Variants in HPSE2 observed in about 807,000 individuals in gnomAD.
HPSE2 encodes the protein heparanase 2 (inactive).
A neutral mutation model predicts 60.5 loss-of-function variants in HPSE2; 38 were observed. The ratio of observed to expected loss-of-function variants is 0.63; its 90% CI spans 0.48 to 0.82. HPSE2 has a LOEUF of 0.82. Ranked by LOEUF, HPSE2 falls within the 40% of genes least tolerant of loss-of-function variation. The pLI is 0.00. For synonymous variants in HPSE2, 295 were observed against 293.2 expected, an observed-to-expected ratio of 1.01 and a Z score of -0.06; for missense variants, 713 against 740.4, an observed-to-expected ratio of 0.96 and a Z score of 0.43.
chr10:98,880,829 C>A (rs1052202871), intron 3 of HPSE2, among the ~76,000 whole-genome samples: 1 of 151,920 alleles, frequency 6.6e-6, no homozygotes, highest in Non-Finnish European at 1.5e-5. Context: ...AACAAAGAAG[C>A]AAAATCAATA....
chr10:98,505,927 G>A (rs1473599320), intron 9 of HPSE2, among the ~76,000 whole-genome samples: 2 of 151,832 alleles, frequency 1.3e-5, no homozygotes, highest in Non-Finnish European at 1.5e-5. Context: ...GTTTTATATT[G>A]TGTTGAAATC....
At chr10:98,599,418 G>A (rs1471805276) in intron 9 of HPSE2, among the ~76,000 whole-genome samples, 2 of 152,142 alleles carry the variant, frequency 1.3e-5, no homozygotes, top group Admixed American at 1.3e-4. Flanking sequence ...GGGTGGGCCT[G>A]AAGCCCAGGA....
intron 9 of HPSE2, among the ~76,000 whole-genome samples, chr10:98,588,160 A>C (rs1014381831): frequency 6.6e-6 from 1 of 152,188 alleles, no homozygotes; most frequent in Non-Finnish European, 1.5e-5. Flanking sequence ...TTTTCTCTCT[A>C]AATTGTCAAA....
At chr10:98,850,580 CA>C (rs1377728257) in intron 3 of HPSE2, among the ~76,000 whole-genome samples, 1 of 151,570 alleles carries the variant, frequency 6.6e-6, no homozygotes, top group Non-Finnish European at 1.5e-5. Flanking sequence ...ACTAAAAATA[CA>C]AAAAAATTAG....
At chr10:98,544,930 G>A (rs574428224) in intron 9 of HPSE2, among the ~76,000 whole-genome samples, 1 of 151,930 alleles carries the variant, frequency 6.6e-6, no homozygotes, top group Non-Finnish European at 1.5e-5. Flanking sequence ...GAAGAAAAGG[G>A]AGAAGAATCA....
intron 3 of HPSE2, among the ~76,000 whole-genome samples, chr10:99,085,740 T>G (rs963277690): frequency 3.9e-5 from 6 of 152,292 alleles, no homozygotes; most frequent in African/African-American, 1.4e-4. Flanking sequence ...ACAAAAACAG[T>G]AAGAAATGTG....
At chr10:98,463,841 GA>G (rs1940412919) in intron 11 of HPSE2, among the ~76,000 whole-genome samples, 1 of 152,052 alleles carries the variant, frequency 6.6e-6, no homozygotes, top group Admixed American at 6.6e-5. Context: ...TTTTCAGGCC[GA>G]GTGCGGTGGT....
chr10:98,972,934 CA>C (rs1398111354), intron 3 of HPSE2, among the ~76,000 whole-genome samples: 1 of 151,914 alleles, frequency 6.6e-6, no homozygotes, highest in African/African-American at 2.4e-5. Context: ...GTTTAGAAGC[CA>C]AAAACACTTT....
At chr10:98,765,499 G>C (rs746178203) in intron 3 of HPSE2, among the ~76,000 whole-genome samples, 31 of 152,218 alleles carry the variant, frequency 2.0e-4, no homozygotes, top group Middle Eastern at 3.4e-3. Flanking sequence ...GTGTGATGTA[G>C]CCAAAGCAGT....
chr10:98,968,709 G>C (rs547620119), intron 3 of HPSE2, among the ~76,000 whole-genome samples: 1 of 152,130 alleles, frequency 6.6e-6, no homozygotes. Flanking sequence ...CTTAGATGGA[G>C]CTGGAGGTTG....
intron 9 of HPSE2, among the ~76,000 whole-genome samples, chr10:98,595,739 T>C (rs1945217809): frequency 6.6e-6 from 1 of 152,230 alleles, no homozygotes; most frequent in African/African-American, 2.4e-5. Context: ...CAATACTATG[T>C]TGAGTAGAAA....
At chr10:98,816,541 G>A (rs923285236) in intron 3 of HPSE2, among the ~76,000 whole-genome samples, 4 of 152,170 alleles carry the variant, frequency 2.6e-5, no homozygotes, top group African/African-American at 9.7e-5. Context: ...TAGATTGTGA[G>A]AGGTCTGCAC....
At chr10:98,581,476 G>C (rs925685485) in intron 9 of HPSE2, among the ~76,000 whole-genome samples, 5 of 151,954 alleles carry the variant, frequency 3.3e-5, no homozygotes, top group Admixed American at 2.0e-4. Context: ...CAGACTAATA[G>C]TAATTTAGAT....
At chr10:99,138,153 C>G (rs1290584557) in intron 3 of HPSE2, among the ~76,000 whole-genome samples, 1 of 152,190 alleles carries the variant, frequency 6.6e-6, no homozygotes, top group African/African-American at 2.4e-5. Flanking sequence ...CTCATCATCA[C>G]TGGTCATTGG....
At chr10:98,980,947 G>A (rs1469295217) in intron 3 of HPSE2, among the ~76,000 whole-genome samples, 2 of 152,124 alleles carry the variant, frequency 1.3e-5, no homozygotes, top group Non-Finnish European at 2.9e-5. Flanking sequence ...CTAGTCAGGA[G>A]TATGATAAGA....
At chr10:99,121,221 T>TA (rs1416930054) in intron 3 of HPSE2, among the ~76,000 whole-genome samples, 7 of 152,108 alleles carry the variant, frequency 4.6e-5, no homozygotes, top group Non-Finnish European at 8.8e-5. Context: ...TGCTCTCACT[T>TA]ACAAGTGGGA....
chr10:98,898,782 A>G (rs755242350), intron 3 of HPSE2, among the ~76,000 whole-genome samples: 6 of 152,202 alleles, frequency 3.9e-5, no homozygotes, highest in Non-Finnish European at 8.8e-5. Flanking sequence ...ATACAATCCA[A>G]CTGGTGTAAA....
intron 9 of HPSE2, among the ~76,000 whole-genome samples, chr10:98,593,486 G>A (rs1197841599): frequency 2.0e-5 from 3 of 152,050 alleles, no homozygotes; most frequent in Non-Finnish European, 4.4e-5. Flanking sequence ...ATAATCATAT[G>A]TTTAACTATG....
At chr10:99,218,596 CAA>C (rs1849212306) in intron 2 of HPSE2, among the ~76,000 whole-genome samples, 1 of 152,044 alleles carries the variant, frequency 6.6e-6, no homozygotes, top group African/African-American at 2.4e-5. Context: ...ACAAAAGAAA[CAA>C]AAGACCTCAG....
Sources: allele counts gnomAD v4.1 joint callset (sites outside exome capture counted in the v4.1 genomes callset), GRCh38; gene constraint gnomAD v4.1.1; transcripts MANE v1.5; gene names NCBI Gene and HGNC (gene_info 2026-07-23, HGNC 2026-07-21).